The following GSTO2 variants were observed in gnomAD, a reference collection of about 807,000 sequenced individuals.
GSTO2 encodes the protein glutathione S-transferase omega-2.
In GSTO2, 23 loss-of-function variants were observed where a neutral mutation model predicts 28.4. The observed-to-expected ratio is 0.81, with a 90% CI of 0.58 to 1.15. The LOEUF (loss-of-function observed/expected upper bound fraction) is 1.15. Ranked by LOEUF, GSTO2 falls within the 50% of genes most tolerant of loss-of-function variation. The pLI is 0.00. For missense variants in GSTO2, 298 were observed against 297.8 expected, an observed-to-expected ratio of 1.00 and a Z score of 0.00; for synonymous variants, 109 against 111.0, an observed-to-expected ratio of 0.98 and a Z score of 0.11.
intron 5 of GSTO2, chr10:104,291,793 A>G (rs377440351): frequency 6.6e-5 from 10 of 152,364 alleles, no homozygotes; most frequent in African/African-American, 2.2e-4. Context: ...GAACTGGAGA[A>G]CAGAAAATTT....
intron 1 of GSTO2, among the ~76,000 whole-genome samples, chr10:104,271,149 G>T (rs2011383683): frequency 6.6e-6 from 1 of 152,180 alleles, no homozygotes; most frequent in Non-Finnish European, 1.5e-5. Context: ...TAAGCTTAAG[G>T]TTAAAATCTT....
chr10:104,292,044 A>G (rs2012797507), intron 5 of GSTO2, among the ~76,000 whole-genome samples: 1 of 152,126 alleles, frequency 6.6e-6, no homozygotes, highest in Admixed American at 6.5e-5. Context: ...CTCCCCTGCC[A>G]TTTGTAGAAG....
intron 1 of GSTO2, among the ~76,000 whole-genome samples, chr10:104,270,293 G>A (rs1361568871): frequency 6.6e-6 from 1 of 152,214 alleles, no homozygotes; most frequent in Non-Finnish European, 1.5e-5. Context: ...GATTACAGGC[G>A]TGAGCCACCG....
chr10:104,297,578 A>C lies in GSTO2; in HGVS notation c.469A>C (p.Ile157Leu), dbSNP rs1289457746. The C allele has an allele frequency of 1.2e-5, 19 of 1,599,608 alleles. No homozygotes were observed. Among genetic ancestry groups the C allele is most frequent in the Non-Finnish European group, 1.6e-5 (19 of 1,167,482 alleles). Reference protein sequence around the residue: ...LRQEFSNLEEILEYQNTTFFG... With the variant: ...LRQEFSNLEELLEYQNTTFFG... ...GCTTTTGCTTTGTTTCCATTTTTAG[A>C]TTCTTGAGTATCAGAACACCACCTT... The change falls in exon 6 of 7, where the codon ATT becomes CTT. Residue 157 changes from isoleucine (I) to leucine (L), a missense_variant and splice_region_variant. By Grantham distance (5) the Ile-to-Leu change is conservative. Transcript: ENST00000338595.
rs1440204965 is a variant in GSTO2 at position 104,302,467 on chromosome 10, CA to C, written c.*3184del. On this transcript the variant is annotated 3_prime_UTR_variant, in exon 7 of 7. Transcript: ENST00000338595. ...GCTACAGCCTAGCCTGGACTCAGTC[CA>C]GTTACAATCTAACATGGCTAGGGGG... 2 of 152,414 alleles carry C rather than the reference CA, an allele frequency of 1.3e-5. No homozygotes were observed. Among genetic ancestry groups the C allele is most frequent in the Non-Finnish European group, 2.9e-5 (2 of 68,060 alleles). The allele number at this position is 152,414 out of a possible 1,614,324, so 9.4% of individuals were successfully genotyped here.
At chr10:104,280,407 A>G (rs1433628543) in intron 5 of GSTO2, among the ~76,000 whole-genome samples, 3 of 152,218 alleles carry the variant, frequency 2.0e-5, no homozygotes, top group East Asian at 1.9e-4. Flanking sequence ...GCAAATGGTC[A>G]TACCCCTTTA....
intron 5 of GSTO2, among the ~76,000 whole-genome samples, chr10:104,286,757 T>C (rs1370826972): frequency 1.3e-5 from 2 of 152,172 alleles, no homozygotes; most frequent in African/African-American, 4.8e-5. Context: ...CTTCTTTCAA[T>C]AGCTTTCTGA....
intron 3 of GSTO2, among the ~76,000 whole-genome samples, chr10:104,276,415 G>T (rs955621360): frequency 2.0e-5 from 3 of 152,170 alleles, no homozygotes; most frequent in Non-Finnish European, 2.9e-5. Flanking sequence ...TGGCACTGTT[G>T]ACAGTTTAGG....
intron 5 of GSTO2, among the ~76,000 whole-genome samples, chr10:104,289,178 A>C (rs1183486274): frequency 6.6e-6 from 1 of 152,176 alleles, no homozygotes; most frequent in Non-Finnish European, 1.5e-5. Flanking sequence ...GGCTCACTGC[A>C]GCCTCGACCT....
intron 5 of GSTO2, among the ~76,000 whole-genome samples, chr10:104,281,202 A>T (rs1411308302): frequency 6.6e-6 from 1 of 152,216 alleles, no homozygotes; most frequent in Non-Finnish European, 1.5e-5. Context: ...TTAGGTCAGC[A>T]CTGCCTTCAA....
rs557170796 is a variant in GSTO2, at chr10:104,299,366, C to T, written c.*82C>T. The T allele has an allele frequency of 7.0e-5, 101 of 1,449,388 alleles. No individual in the cohort carries two copies. Among genetic ancestry groups the T allele is most frequent in the Non-Finnish European group, 1.8e-5 (19 of 1,053,998 alleles). 89.8% of individuals were successfully genotyped at this position (1,449,388 alleles called of 1,614,324 possible). On this transcript the variant is annotated 3_prime_UTR_variant, in exon 7 of 7. Coordinates refer to ENST00000338595, the MANE Select transcript of GSTO2 (RefSeq NM_183239.2). ...TCACGGCTTGTCTTGGGAACCAATC[C>T]GTCTCTCTTTCTTTTCTTTGAAGTT...
chr10:104,295,160 T>C (rs1014055850), intron 5 of GSTO2: 4 of 152,204 alleles, frequency 2.6e-5, no homozygotes, highest in African/African-American at 9.7e-5. Flanking sequence ...GTCTGGAGCC[T>C]TCTGGAATCC....
At chr10:104,285,426 G>A (rs1319529255) in intron 5 of GSTO2, among the ~76,000 whole-genome samples, 1 of 151,696 alleles carries the variant, frequency 6.6e-6, no homozygotes, top group Non-Finnish European at 1.5e-5. Flanking sequence ...AAGCCACCGA[G>A]CCTGCCTCCG....
At chr10:104,280,793 A>G (rs1589862335) in intron 5 of GSTO2, among the ~76,000 whole-genome samples, 1 of 152,198 alleles carries the variant, frequency 6.6e-6, no homozygotes, top group Non-Finnish European at 1.5e-5. Context: ...CCCTTAAGGG[A>G]AGACTGGTTA....
Position 104,299,469 on chromosome 10 carries a change from T to G in GSTO2, c.*185T>G, listed in dbSNP as rs2013194431. 6 of 652,982 alleles carry G rather than the reference T, an allele frequency of 9.2e-6. No individual in the cohort carries two copies. The highest frequency in any genetic ancestry group is 9.9e-6 in the Non-Finnish European group (4 of 402,698). The allele number at this position is 652,982 out of a possible 1,614,324, so 40.4% of individuals were successfully genotyped here. On this transcript the variant is annotated 3_prime_UTR_variant, in exon 7 of 7. Transcript: ENST00000338595. The stretch of plus-strand genomic sequence containing the variant: ...TCCTCTAGCCTGTAGCTGCTGCTAC[T>G]GCTGCTTTTTTTTCCTTTTTTTTTT...
At position 104,293,028 on chromosome 10, in the gene GSTO2, G is replaced by A. The variant is rs1413035506; in HGVS notation, c.469-4550G>A. On this transcript the variant is annotated intron_variant, in intron 5 of 6. Coordinates refer to ENST00000338595, the MANE Select transcript of GSTO2 (RefSeq NM_183239.2). ...TTGAGTACAAGAAAGAACTATTTTA[G>A]TAAAGTTGCCTGAAGATCTGCTCAT... Among the ~76,000 whole-genome samples, 6 of 152,206 alleles carry A rather than the reference G, an allele frequency of 3.9e-5. No homozygotes were observed. In the East Asian group the frequency reaches 9.6e-4, roughly 24 times the overall value.
At chr10:104,297,301 C>T in intron 5 of GSTO2, 1 of 302,966 alleles carries the variant, frequency 3.3e-6, no homozygotes, top group Admixed American at 4.2e-5. Flanking sequence ...CTGGGGTACT[C>T]TGTAGAGGTT....
chr10:104,282,466 A>C (rs1377076525), intron 5 of GSTO2, among the ~76,000 whole-genome samples: 1 of 151,190 alleles, frequency 6.6e-6, no homozygotes, highest in Non-Finnish European at 1.5e-5. Flanking sequence ...AGATGAGAGG[A>C]TCACTGGAGC....
rs756153981 is a variant in GSTO2 at position 104,274,907 on chromosome 10, C to T, written c.-9C>T. ...GAGCTCCGGGAGCTGCGCAAACCACCTGGAGACCATGTCTGGGGATGCGAC... is the reference window on the plus strand; with the variant it reads ...GAGCTCCGGGAGCTGCGCAAACCACTTGGAGACCATGTCTGGGGATGCGAC... On this transcript the variant is annotated 5_prime_UTR_variant, in exon 2 of 7. Transcript: ENST00000338595. The T allele has an allele frequency of 6.2e-7, 1 of 1,609,314 alleles. No homozygotes were observed. Among genetic ancestry groups the T allele is most frequent in the Non-Finnish European group, 8.5e-7 (1 of 1,178,216 alleles).
Sources: gnomAD v4.1 joint callset for allele counts (sites outside exome capture counted in the v4.1 genomes callset) on GRCh38, gnomAD v4.1.1 for gene constraint, MANE v1.5 for transcripts, NCBI Gene and HGNC (gene_info 2026-07-23, HGNC 2026-07-21) for gene names.